Variants in SH3KBP1 observed in about 807,000 individuals in gnomAD.
The protein encoded by SH3KBP1 is SH3 domain-containing kinase-binding protein 1.
Under a neutral mutation model 50.1 loss-of-function variants are expected in SH3KBP1, and 8 were observed. The observed-to-expected ratio is 0.16, with a 90% CI of 0.09 to 0.29. SH3KBP1 has a LOEUF of 0.29. Ranked by LOEUF, SH3KBP1 falls within the 10% of genes least tolerant of loss-of-function variation. The pLI, the probability that SH3KBP1 is intolerant of heterozygous loss-of-function variation, is 1.00. For synonymous variants in SH3KBP1, 227 were observed against 218.6 expected (o/e 1.04, Z -0.34); for missense variants, 377 against 535.2 (o/e 0.70, Z 2.92).
intron 2 of SH3KBP1, among the ~76,000 whole-genome samples, chrX:19,807,638 T>C (rs7887861): frequency 0.048 from 5,350 of 111,767 alleles, 294 homozygotes; most frequent in African/African-American, 0.15. Flanking sequence ...GTGGTTAAGC[T>C]CTCTGTACTC....
chrX:19,866,009 A>G (rs1197473142), intron 1 of SH3KBP1, among the ~76,000 whole-genome samples: 2 of 112,222 alleles, frequency 1.8e-5, no homozygotes, highest in Non-Finnish European at 3.8e-5. Flanking sequence ...ATCCTGAAGC[A>G]AAACACCAGG....
chrX:19,708,708 C>A (rs1023570651), intron 3 of SH3KBP1, among the ~76,000 whole-genome samples: 2 of 111,900 alleles, frequency 1.8e-5, no homozygotes, highest in Non-Finnish European at 3.8e-5. Flanking sequence ...CTGACCCCTG[C>A]GACTCCACTG....
At chrX:19,666,484 A>G (rs2062602177) in intron 6 of SH3KBP1, among the ~76,000 whole-genome samples, 1 of 110,748 alleles carries the variant, frequency 9.0e-6, no homozygotes, top group Non-Finnish European at 1.9e-5. Flanking sequence ...TCTTCCTTTA[A>G]GCGATTTGTA....
At chrX:19,798,277 G>T (rs2066782002) in intron 2 of SH3KBP1, among the ~76,000 whole-genome samples, 1 of 109,293 alleles carries the variant, frequency 9.1e-6, no homozygotes, top group Non-Finnish European at 1.9e-5. Context: ...GGTAGAGACA[G>T]GGTCTCACCA....
chrX:19,542,947 A>G (rs1383238718), intron 15 of SH3KBP1, among the ~76,000 whole-genome samples: 1 of 112,148 alleles, frequency 8.9e-6, no homozygotes, highest in Non-Finnish European at 1.9e-5. Context: ...GGCTGCAGAA[A>G]GGCTAAAGGG....
intron 2 of SH3KBP1, among the ~76,000 whole-genome samples, chrX:19,779,548 G>C (rs1452610336): frequency 1.0e-5 from 1 of 97,048 alleles, no homozygotes; most frequent in African/African-American, 3.7e-5. Flanking sequence ...TCTAGCATTA[G>C]GTATATCTCC....
At chrX:19,642,678 G>T (rs1193893253) in intron 7 of SH3KBP1, among the ~76,000 whole-genome samples, 1 of 112,088 alleles carries the variant, frequency 8.9e-6, no homozygotes, top group Admixed American at 9.4e-5. Context: ...AACTCCAGAT[G>T]TGGTGAGCTG....
intron 6 of SH3KBP1, among the ~76,000 whole-genome samples, chrX:19,664,407 C>T (rs1254236078): frequency 9.0e-6 from 1 of 111,187 alleles, no homozygotes; most frequent in African/African-American, 3.3e-5. Context: ...TGCTCTATGG[C>T]CCCATAGAAT....
At position 19,675,074 on chromosome X, in the gene SH3KBP1, G is replaced by A. The variant is rs1223749250; in HGVS notation, c.726+8749C>T. Among the ~76,000 whole-genome samples, 7 of 104,115 alleles carry A rather than the reference G, an allele frequency of 6.7e-5. No homozygotes were observed. The Admixed American group carries it at 7.1e-4, about 10-fold the overall frequency. 90.4% of individuals were successfully genotyped at this position (104,115 alleles called of 115,157 possible). ...AGCCTGGGTGACAGAGCAAGACCCT[G>A]CCTCAAATAAATAAATAAATAAATA... On this transcript the variant is annotated intron_variant, in intron 6 of 17. Coordinates refer to ENST00000397821, the MANE Select transcript of SH3KBP1 (RefSeq NM_031892.3).
At chrX:19,588,222 G>A in intron 12 of SH3KBP1, 1 of 614,124 alleles carries the variant, frequency 1.6e-6, no homozygotes, top group Non-Finnish European at 2.3e-6. Context: ...AAGCCCTGCA[G>A]AGCAGTGAGG....
chrX:19,887,216 CG>C, intron 1 of SH3KBP1, 90 bp downstream of exon 1: 2 of 814,607 alleles, frequency 2.5e-6, no homozygotes, highest in South Asian at 5.6e-5. Context: ...ACCCTGCCCC[CG>C]GGGCGCCCTC....
intron 15 of SH3KBP1, among the ~76,000 whole-genome samples, chrX:19,542,659 G>A (rs1206039757): frequency 8.9e-6 from 1 of 111,817 alleles, no homozygotes; most frequent in Admixed American, 9.5e-5. Flanking sequence ...CAGCCATCCA[G>A]ACGGGCAGGC....
At chrX:19,603,828 C>T (rs2067164487) in intron 9 of SH3KBP1, among the ~76,000 whole-genome samples, 1 of 111,410 alleles carries the variant, frequency 9.0e-6, no homozygotes, top group Non-Finnish European at 1.9e-5. Flanking sequence ...GCTGGGACTC[C>T]AGGCATGTAC....
chrX:19,761,600 A>G (rs182188910), intron 2 of SH3KBP1, among the ~76,000 whole-genome samples: 1 of 111,997 alleles, frequency 8.9e-6, no homozygotes, highest in African/African-American at 3.2e-5. Context: ...TTAAGAGATC[A>G]TATCTAGAAT....
intron 15 of SH3KBP1, 143 bp downstream of exon 15, chrX:19,545,779 G>T: frequency 1.5e-6 from 1 of 659,756 alleles, no homozygotes; most frequent in East Asian, 3.4e-5. Flanking sequence ...AACATGCCTT[G>T]GGGATTTTGA....
At chrX:19,611,956 GAAAA>G (rs3036638) in intron 8 of SH3KBP1, among the ~76,000 whole-genome samples, 5 of 38,051 alleles carry the variant, frequency 1.3e-4, no homozygotes, top group East Asian at 1.1e-3. Flanking sequence ...AGCAGAAGTA[GAAAA>G]AAAAAAAAAA....
intron 8 of SH3KBP1, among the ~76,000 whole-genome samples, chrX:19,629,665 A>G (rs962609555): frequency 1.8e-5 from 2 of 111,973 alleles, no homozygotes; most frequent in Non-Finnish European, 3.8e-5. Context: ...GCAGGGTGGG[A>G]CTAGGAGGAC....
rs766687828 is a variant in SH3KBP1, at chrX:19,657,727, AAAT to A, written c.727-12255_727-12253del. 9.6e-3 allele frequency among the ~76,000 whole-genome samples: 1,035 copies of A among 107,900 alleles called. 21 individuals are homozygous for A. The highest frequency in any genetic ancestry group is 0.032 in the African/African-American group (957 of 29,690). The allele number at this position is 107,900 out of a possible 115,157, so 93.7% of individuals were successfully genotyped here. ...TGGCAACAGAGCGAGACTCCATCTAAAATAATAATAATAATAATAATAATAATA... is the reference window on the plus strand; with the variant it reads ...TGGCAACAGAGCGAGACTCCATCTAAAATAATAATAATAATAATAATAATA... On this transcript the variant is annotated intron_variant, in intron 6 of 17. Coordinates refer to ENST00000397821, the MANE Select transcript of SH3KBP1 (RefSeq NM_031892.3).
chrX:19,766,483 CTTTTTTTTTTTTTTTT>C (rs61439964), intron 2 of SH3KBP1, among the ~76,000 whole-genome samples: 12 of 22,589 alleles, frequency 5.3e-4, no homozygotes, highest in South Asian at 3.3e-3. Context: ...TTGATTGCAT[CTTTTTTTTTTTTTTTT>C]TTTTTTTTTT....
Sources: allele counts gnomAD v4.1 joint callset (sites outside exome capture counted in the v4.1 genomes callset), GRCh38; gene constraint gnomAD v4.1.1; transcripts MANE v1.5; gene names NCBI Gene and HGNC (gene_info 2026-07-23, HGNC 2026-07-21).